Variants in SUGCT observed in about 807,000 individuals in gnomAD.
The protein encoded by SUGCT is succinyl-CoA:glutarate CoA-transferase.
Under a neutral mutation model 55.0 loss-of-function variants are expected in SUGCT, and 41 were observed. The observed-to-expected ratio is 0.74, with a 90% CI of 0.58 to 0.97. SUGCT has a LOEUF of 0.97. SUGCT is among the 50% of genes least tolerant of loss of function. The pLI, the probability that SUGCT is intolerant of heterozygous loss-of-function variation, is 0.00. For missense variants in SUGCT, 568 were observed against 547.8 expected (o/e 1.04, Z -0.37); for synonymous variants, 187 against 200.4 (o/e 0.93, Z 0.56).
Position 40,229,290 on chromosome 7 carries a change from G to A in SUGCT, c.485-8345G>A, listed in dbSNP as rs189803067. 1.3e-3 allele frequency among the ~76,000 whole-genome samples: 201 copies of A among 152,124 alleles called. 1 individual carries two copies. Among genetic ancestry groups the A allele is most frequent in the African/African-American group, 4.3e-3 (180 of 41,492 alleles). On this transcript the variant is annotated intron_variant, in intron 6 of 13. Coordinates refer to ENST00000335693, the MANE Select transcript of SUGCT (RefSeq NM_001193313.2). ...TCCCAGCAGTTTGGGAGGCCAAGGC[G>A]GGTGGATCACCTGAGGTCAGGAATT...
Position 40,860,556 on chromosome 7 carries a change from C to G in SUGCT, c.*77C>G. The G allele has an allele frequency of 6.8e-7, 1 of 1,466,372 alleles. No homozygotes were observed. The allele number at this position is 1,466,372 out of a possible 1,614,324, so 90.8% of individuals were successfully genotyped here. On this transcript the variant is annotated 3_prime_UTR_variant, in exon 14 of 14. Transcript: ENST00000335693. ...GCAACACTTTGCTTGGACCCTTCTC[C>G]CCAGTTCTGATACCACTAAAAAGAA...
rs376803557 is a variant in SUGCT at position 40,669,057 on chromosome 7, A to AT, written c.1090-80376dup. On this transcript the variant is annotated intron_variant, in intron 12 of 13. Transcript: ENST00000335693. ...AGTAGTAGCAAGGCCCCCTTCTGTG[A>AT]TGTCGGTGCCACATGAGGAATAGGA... Among the ~76,000 whole-genome samples, 640 of 152,234 alleles carry AT rather than the reference A, an allele frequency of 4.2e-3. 7 individuals carry two copies. Among genetic ancestry groups the AT allele is most frequent in the African/African-American group, 0.014 (601 of 41,540 alleles).
intron 11 of SUGCT, among the ~76,000 whole-genome samples, chr7:40,493,735 C>A (rs1418608357): frequency 6.6e-6 from 1 of 152,104 alleles, no homozygotes; most frequent in African/African-American, 2.4e-5. Context: ...AAATCTATTG[C>A]CCTGAGTGAT....
At chr7:40,156,830 C>T (rs1219673946) in intron 1 of SUGCT, among the ~76,000 whole-genome samples, 1 of 151,966 alleles carries the variant, frequency 6.6e-6, no homozygotes, top group South Asian at 2.1e-4. Flanking sequence ...GCCTGGCCAA[C>T]GTGGTGAAAC....
intron 12 of SUGCT, among the ~76,000 whole-genome samples, chr7:40,570,742 G>A (rs900749184): frequency 6.6e-6 from 1 of 151,550 alleles, no homozygotes; most frequent in African/African-American, 2.4e-5. Context: ...TCTTCTGTTG[G>A]GCTGGAGAAT....
At chr7:40,975,816 T>C in the SUGCT span, among the ~76,000 whole-genome samples, 1 of 152,246 alleles carries the variant, frequency 6.6e-6, no homozygotes, top group African/African-American at 2.4e-5. Flanking sequence ...TGAACACTCA[T>C]ATGCAAGTAT....
chr7:40,385,054 A>G (rs1346680654), intron 9 of SUGCT, among the ~76,000 whole-genome samples: 2 of 152,218 alleles, frequency 1.3e-5, no homozygotes, highest in East Asian at 1.9e-4. Context: ...AGTATGGAAG[A>G]TAAAGGCGAG....
chr7:40,451,875 G>A (rs1383463073), intron 10 of SUGCT, among the ~76,000 whole-genome samples: 1 of 152,062 alleles, frequency 6.6e-6, no homozygotes, highest in Non-Finnish European at 1.5e-5. Context: ...ATTACTCAGA[G>A]CCTTGTTATT....
At chr7:40,242,885 A>G (rs375380228) in intron 7 of SUGCT, among the ~76,000 whole-genome samples, 9 of 125,386 alleles carry the variant, frequency 7.2e-5, no homozygotes, top group East Asian at 5.1e-4. Context: ...GTAAATGAAT[A>G]TCTGGTACTG....
At chr7:40,544,009 A>G (rs1442311009) in intron 12 of SUGCT, among the ~76,000 whole-genome samples, 1 of 152,160 alleles carries the variant, frequency 6.6e-6, no homozygotes, top group East Asian at 1.9e-4. Context: ...CATACTTGGT[A>G]AGGAGGCACT....
chr7:40,287,273 G>C (rs1447872094), intron 8 of SUGCT, among the ~76,000 whole-genome samples: 1 of 152,040 alleles, frequency 6.6e-6, no homozygotes. Context: ...GATTTTTCCT[G>C]TGTGAGATTA....
rs191815303 is a variant in SUGCT, at chr7:40,284,790, A to G, written c.720+10134A>G. Among the ~76,000 whole-genome samples the G allele has an allele frequency of 3.3e-3, 505 of 152,310 alleles. 3 individuals carry two copies. Among genetic ancestry groups the G allele is most frequent in the Middle Eastern group, 0.014 (4 of 294 alleles). On this transcript the variant is annotated intron_variant, in intron 8 of 13. Transcript: ENST00000335693. ...AAAAGGATCTGTTGTTAAGATGAAT[A>G]ATTAGGAAGTTAAAGACAAACCAAA...
the SUGCT span, among the ~76,000 whole-genome samples, chr7:40,954,831 G>A: frequency 6.6e-6 from 1 of 152,078 alleles, no homozygotes; most frequent in Non-Finnish European, 1.5e-5. Context: ...GTAAGGAAGG[G>A]GTCCATTTTC....
At chr7:40,415,910 C>T (rs1786974578) in intron 9 of SUGCT, among the ~76,000 whole-genome samples, 1 of 151,930 alleles carries the variant, frequency 6.6e-6, no homozygotes, top group South Asian at 2.1e-4. Context: ...CTTCAACTTA[C>T]TATTGTTTTT....
intron 9 of SUGCT, among the ~76,000 whole-genome samples, chr7:40,336,138 G>C (rs1796686526): frequency 6.6e-6 from 1 of 152,184 alleles, no homozygotes; most frequent in Non-Finnish European, 1.5e-5. Flanking sequence ...TGTGCTGCTG[G>C]ATTCGGTTTG....
chr7:40,139,684 C>T (rs763786321), intron 1 of SUGCT, among the ~76,000 whole-genome samples: 19 of 152,198 alleles, frequency 1.2e-4, no homozygotes, highest in South Asian at 1.0e-3. Flanking sequence ...TCAGGTTATC[C>T]GTTCACTCTG....
chr7:40,578,789 C>T (rs1289717111), intron 12 of SUGCT, among the ~76,000 whole-genome samples: 1 of 152,168 alleles, frequency 6.6e-6, no homozygotes, highest in Non-Finnish European at 1.5e-5. Context: ...TCATTCCTAT[C>T]CATGCCATTT....
chr7:40,336,606 G>A (rs542285063), intron 9 of SUGCT, among the ~76,000 whole-genome samples: 10 of 152,014 alleles, frequency 6.6e-5, no homozygotes, highest in South Asian at 2.1e-4. Context: ...CCCCTTTATC[G>A]TTTTTTATTG....
chr7:41,000,516 G>C, the SUGCT span, among the ~76,000 whole-genome samples: 1 of 151,050 alleles, frequency 6.6e-6, no homozygotes, highest in Admixed American at 6.6e-5. Context: ...TTGGTGGAAA[G>C]ATACTGGAGA....
Sources: allele counts gnomAD v4.1 joint callset (sites outside exome capture counted in the v4.1 genomes callset), GRCh38; gene constraint gnomAD v4.1.1; transcripts MANE v1.5; gene names NCBI Gene and HGNC (gene_info 2026-07-23, HGNC 2026-07-21).